NEB: variants seen among roughly 807,000 people sequenced by gnomAD.
The protein encoded by NEB is nemaline myopathy type 2.
Under a neutral mutation model 952.2 loss-of-function variants are expected in NEB, and 512 were observed. The ratio of observed to expected loss-of-function variants is 0.54; its 90% CI spans 0.50 to 0.58. The LOEUF (loss-of-function observed/expected upper bound fraction) is 0.58, where lower values mean the gene tolerates loss of function less well. Among genes scored for constraint, NEB ranks in the 20% least tolerant of loss-of-function variants. The pLI, the probability that NEB is intolerant of heterozygous loss-of-function variation, is 0.00. For synonymous variants in NEB, 2,900 were observed against 3,149.8 expected (o/e 0.92, Z 2.66); for missense variants, 8,428 against 9,231.1 (o/e 0.91, Z 3.56).
intron 35 of NEB, 139 bp downstream of exon 35, chr2:151,675,148 C>G (rs757586183): frequency 1.1e-4 from 79 of 709,252 alleles, no homozygotes; most frequent in Admixed American, 2.6e-4. Context: ...AGGTAAAGAA[C>G]CATCCTTATG....
chr2:151,560,556 A>T (rs1245965980), intron 124 of NEB, 36 bp downstream of exon 124: 1 of 1,073,544 alleles, frequency 9.3e-7, no homozygotes, highest in Non-Finnish European at 1.2e-6. Flanking sequence ...GAGGGGAGGG[A>T]GGGTGGGAAA....
chr2:151,706,314 A>G (rs768462444), intron 13 of NEB, among the ~76,000 whole-genome samples: 2 of 152,214 alleles, frequency 1.3e-5, no homozygotes, highest in Non-Finnish European at 2.9e-5. Flanking sequence ...CGTAAGAGAT[A>G]AACTCAAATC....
At chr2:151,526,804 C>T in intron 148 of NEB, 114 bp downstream of exon 148, 1 of 796,984 alleles carries the variant, frequency 1.3e-6, no homozygotes, top group Middle Eastern at 2.3e-4. Context: ...GGACCCATAC[C>T]TGAGCCCTGA....
At position 151,526,260 on chromosome 2, in the gene NEB, C is replaced by G. The variant is rs1170741769; in HGVS notation, c.21948G>C (p.Leu7316=). Reference sequence around the variant, plus strand: ...CCTTGACATGTTTCTCTTTGTATTTCAGCTTCAGGGGCAGGAAAAGGGGCA... The same window carrying G: ...CCTTGACATGTTTCTCTTTGTATTTGAGCTTCAGGGGCAGGAAAAGGGGCA... ...ALRNTLIESD[L]KYKEKHVKER... is the part of the protein sequence containing the mutation. Residue 7316 remains leucine, a splice_region_variant and synonymous_variant, in exon 149 of 182, where the codon CTG becomes CTC. Transcript: ENST00000397345. 1 of 1,606,326 alleles carries G rather than the reference C, an allele frequency of 6.2e-7. No homozygotes were observed. The highest frequency in any genetic ancestry group is 1.7e-5 in the Admixed American group (1 of 59,060).
intron 52 of NEB, 59 bp from the exon 53 acceptor site, chr2:151,650,944 G>C: frequency 6.9e-6 from 10 of 1,451,238 alleles, no homozygotes; most frequent in Non-Finnish European, 8.3e-6. Context: ...AGCTCAACTT[G>C]CTTTTTTTTC....
intron 124 of NEB, among the ~76,000 whole-genome samples, chr2:151,557,184 A>G (rs1408244654): frequency 6.6e-6 from 1 of 152,218 alleles, no homozygotes; most frequent in Admixed American, 6.5e-5. Context: ...GATAAAGGGG[A>G]TATCACCACC....
rs764345233 is a variant in NEB, at chr2:151,656,409, C to T, written c.6239G>A (p.Ser2080Asn). ...KGKGKMVGFRSLEDDPKLVHS... is the reference protein window; with the variant it reads ...KGKGKMVGFRNLEDDPKLVHS... Reference sequence around the variant, plus strand: ...GACTAATTTGGGATCATCCTCGAGACTGCGGAAACCAACCATTTTCCCCTT... The same window carrying T: ...GACTAATTTGGGATCATCCTCGAGATTGCGGAAACCAACCATTTTCCCCTT... The change falls in exon 49 of 182, where the codon AGT (serine) becomes AAT (asparagine). Residue 2080 changes from serine to asparagine, a missense_variant. This residue lies in a region of NEB where 2,851 missense variants were observed against 2,791.5 expected (regional missense o/e 1.02). Transcript: ENST00000397345. 1.9e-6 allele frequency: 3 copies of T among 1,613,430 alleles called. No homozygotes were observed. The highest frequency in any genetic ancestry group is 1.1e-5 in the South Asian group (1 of 91,014).
chr2:151,706,163 T>C (rs2099705406), intron 13 of NEB, among the ~76,000 whole-genome samples: 1 of 152,188 alleles, frequency 6.6e-6, no homozygotes, highest in Admixed American at 6.5e-5. Context: ...CACTTGCCAC[T>C]TTCCCACACC....
In NEB at chr2:151,687,369, G is replaced by A. The variant is rs374409067; in HGVS notation, c.2637+50C>T. 2.7e-5 allele frequency: 41 copies of A among 1,494,398 alleles called. No homozygotes were observed. In the African/African-American group the frequency reaches 2.9e-4, roughly 11 times the overall value. The allele number at this position is 1,494,398 out of a possible 1,614,324, so 92.6% of individuals were successfully genotyped here. A position where few individuals can be genotyped will look rare whatever the true frequency, so the allele number is the denominator to read the frequency against. On this transcript the variant is annotated intron_variant, in intron 27 of 181. Transcript: ENST00000397345. ...TTCCACACTACTACCCTTGGGCATC[G>A]TAACAGGGAGTCCATCTTGAAAACA...
chr2:151,514,741 A>G, intron 158 of NEB, 77 bp downstream of exon 158: 1 of 1,049,562 alleles, frequency 9.5e-7, no homozygotes, highest in Non-Finnish European at 1.4e-6. Context: ...TGTAAATGGT[A>G]GGAGGAACAC....
intron 117 of NEB, 140 bp downstream of exon 117, chr2:151,564,904 T>C (rs1291340755): frequency 7.4e-6 from 4 of 541,232 alleles, no homozygotes; most frequent in African/African-American, 1.9e-5. Flanking sequence ...GTACTTCTAA[T>C]ACACAAGACT....
At position 151,657,994 on chromosome 2, in the gene NEB, T is replaced by A. The variant is rs543827269; in HGVS notation, c.6172A>T (p.Ile2058Phe). 99 of 1,604,742 alleles carry A rather than the reference T, an allele frequency of 6.2e-5. 1 individual carries two copies. The South Asian group carries it at 1.0e-3, about 17-fold the overall frequency. ...PIKAAKASRD[I>F]ASDYKYKYNY... ...TCCTTTGGACTTACATCACTTGCAA[T>A]ATCTCTGGAAGCCTTGGCAGCTTTG... Residue 2058 changes from isoleucine (I) to phenylalanine (F), a missense_variant, in exon 48 of 182, where the codon ATT (isoleucine) becomes TTT (phenylalanine). Transcript: ENST00000397345.
At chr2:151,688,425 C>T (rs768531085) in intron 24 of NEB, 29 bp from the exon 25 acceptor site, 3 of 1,557,308 alleles carry the variant, frequency 1.9e-6, no homozygotes, top group South Asian at 2.2e-5. Context: ...TTGAACGGTT[C>T]AGGGGAACTT....
chr2:151,498,983 A>T (rs755465698), intron 169 of NEB, among the ~76,000 whole-genome samples: 5 of 152,176 alleles, frequency 3.3e-5, no homozygotes, highest in Non-Finnish European at 5.9e-5. Flanking sequence ...GATCTTTGCA[A>T]AATACATTTG....
chr2:151,542,651 T>C (rs1057490900), intron 135 of NEB, among the ~76,000 whole-genome samples: 1 of 152,150 alleles, frequency 6.6e-6, no homozygotes, highest in Admixed American at 6.5e-5. Flanking sequence ...ATCTGATTAT[T>C]TGCCAACACC....
intron 47 of NEB, 86 bp from the exon 48 acceptor site, chr2:151,658,176 CTT>C (rs67239108): frequency 0.058 from 56,241 of 964,578 alleles, 2,769 homozygotes; most frequent in African/African-American, 0.22. Flanking sequence ...ACTGTGGCGT[CTT>C]TTTTTTTGTT....
In NEB at chr2:151,548,361, G is replaced by A; in HGVS notation, c.20104C>T (p.Pro6702Ser). The change falls in exon 131 of 182, where the codon CCC (proline) becomes TCC (serine). Residue 6702 changes from proline (P) to serine (S), a missense_variant. Transcript: ENST00000397345. ...ACGTGGACAAATGGAACATCTTTGG[G>A]GCCAAGTGTATACCCATATGCCTTG... is the stretch of plus-strand genomic sequence containing the variant. Reference protein sequence around the residue: ...HTKAYGYTLGPKDVPFVHVRR... With the variant: ...HTKAYGYTLGSKDVPFVHVRR... 1 of 1,613,740 alleles carries A rather than the reference G, an allele frequency of 6.2e-7. No individual in the cohort carries two copies. Among genetic ancestry groups the A allele is most frequent in the Non-Finnish European group, 8.5e-7 (1 of 1,179,754 alleles).
intron 124 of NEB, among the ~76,000 whole-genome samples, chr2:151,559,708 C>T (rs921607182): frequency 1.3e-5 from 2 of 152,142 alleles, no homozygotes; most frequent in Admixed American, 6.5e-5. Context: ...CCAAACACTG[C>T]ATGTTCTCAC....
At chr2:151,572,279 G>A (rs1002740683) in intron 107 of NEB, among the ~76,000 whole-genome samples, 1 of 151,942 alleles carries the variant, frequency 6.6e-6, no homozygotes, top group South Asian at 2.1e-4. Flanking sequence ...CTGAGATCAC[G>A]CCACTGTACT....
Sources: gnomAD v4.1 joint callset for allele counts (sites outside exome capture counted in the v4.1 genomes callset) on GRCh38, gnomAD v4.1.1 for gene constraint, gnomAD v4.1.1 regional missense constraint, MANE v1.5 for transcripts, NCBI Gene and HGNC (gene_info 2026-07-23, HGNC 2026-07-21) for gene names.